Variants in TMEM116 observed in about 807,000 individuals in gnomAD.
TMEM116 encodes the protein transmembrane protein 116.
Under a neutral mutation model 44.3 loss-of-function variants are expected in TMEM116, and 38 were observed. The observed-to-expected ratio is 0.86, with a 90% CI of 0.66 to 1.12. The LOEUF is 1.12. Among genes scored for constraint, TMEM116 ranks in the 50% most tolerant of loss-of-function variants. The pLI is 0.00. For missense variants in TMEM116, 354 were observed against 401.7 expected (o/e 0.88, Z 1.01); for synonymous variants, 132 against 144.8 (o/e 0.91, Z 0.64).
At chr12:111,990,777 A>G (rs2076515698) in intron 4 of TMEM116, among the ~76,000 whole-genome samples, 1 of 152,258 alleles carries the variant, frequency 6.6e-6, no homozygotes, top group African/African-American at 2.4e-5. Flanking sequence ...TACAATCCAT[A>G]TATGATTATC....
At chr12:111,978,902 G>T in intron 4 of TMEM116, 1 of 225,760 alleles carries the variant, frequency 4.4e-6, no homozygotes, top group Non-Finnish European at 9.5e-6. Context: ...TTTGATAAAG[G>T]ATCAAAAGCA....
chr12:111,954,765 T>C (rs1425711287), intron 4 of TMEM116, among the ~76,000 whole-genome samples: 1 of 152,244 alleles, frequency 6.6e-6, no homozygotes, highest in Non-Finnish European at 1.5e-5. Flanking sequence ...AACGGTTCAC[T>C]AAGAAAATAT....
At chr12:111,961,190 C>T (rs1418332250) in intron 4 of TMEM116, among the ~76,000 whole-genome samples, 1 of 152,130 alleles carries the variant, frequency 6.6e-6, no homozygotes, top group East Asian at 1.9e-4. Flanking sequence ...TAATAGCCTA[C>T]CAACCAGAAA....
chr12:111,993,426 T>C, intron 3 of TMEM116: 1 of 558,402 alleles, frequency 1.8e-6, no homozygotes, highest in Non-Finnish European at 3.6e-6. Flanking sequence ...CTTTAAAGTC[T>C]TGTATAGCAA....
intron 4 of TMEM116, among the ~76,000 whole-genome samples, chr12:111,970,214 A>C (rs1230931529): frequency 6.6e-6 from 1 of 151,632 alleles, no homozygotes; most frequent in African/African-American, 2.4e-5. Context: ...GGGAGGCAGA[A>C]GTTGCAGTAA....
intron 1 of TMEM116, among the ~76,000 whole-genome samples, chr12:112,008,120 GCAGTGAGCTGTGT>G (rs1342164008): frequency 8.5e-5 from 13 of 152,168 alleles, no homozygotes; most frequent in Admixed American, 2.0e-4. Flanking sequence ...GGTCCAGGCT[GCAGTGAGCTGTGT>G]TTGCATCACT....
intron 4 of TMEM116, among the ~76,000 whole-genome samples, chr12:111,981,138 A>G (rs537973386): frequency 6.6e-6 from 1 of 152,294 alleles, no homozygotes; most frequent in South Asian, 2.1e-4. Flanking sequence ...TAAGCTGTTT[A>G]AAAAATAAAC....
At chr12:112,008,192 GAAAA>G (rs1293087122) in intron 1 of TMEM116, among the ~76,000 whole-genome samples, 1 of 151,630 alleles carries the variant, frequency 6.6e-6, no homozygotes, top group Non-Finnish European at 1.5e-5. Context: ...GTGTTAAAAA[GAAAA>G]AAAAGGCTGG....
chr12:111,979,501 G>T (rs1322070429), intron 4 of TMEM116, among the ~76,000 whole-genome samples: 1 of 152,132 alleles, frequency 6.6e-6, no homozygotes, highest in African/African-American at 2.4e-5. Flanking sequence ...AATGGGTACA[G>T]GGTTTCCTTT....
chr12:111,952,718 G>A (rs939322730), intron 4 of TMEM116, among the ~76,000 whole-genome samples: 5 of 152,230 alleles, frequency 3.3e-5, no homozygotes, highest in Admixed American at 6.5e-5. Context: ...TCTTTCTCCC[G>A]TACTGGATGC....
intron 4 of TMEM116, among the ~76,000 whole-genome samples, chr12:111,978,975 A>C (rs2075805553): frequency 6.6e-6 from 1 of 152,240 alleles, no homozygotes; most frequent in Non-Finnish European, 1.5e-5. Flanking sequence ...ATCCATATGC[A>C]AAAATAAGAC....
At chr12:111,950,407 A>T (rs1384920886) in intron 4 of TMEM116, among the ~76,000 whole-genome samples, 3 of 151,682 alleles carry the variant, frequency 2.0e-5, no homozygotes, top group Non-Finnish European at 4.4e-5. Context: ...TTGGCAGAAC[A>T]TTGGTGTAAT....
intron 4 of TMEM116, among the ~76,000 whole-genome samples, chr12:111,952,397 T>C (rs550157725): frequency 8.5e-5 from 13 of 152,294 alleles, no homozygotes; most frequent in African/African-American, 2.9e-4. Flanking sequence ...ATGGTGTGGA[T>C]AGATAAATTC....
chr12:111,991,790 T>C lies in TMEM116; in HGVS notation c.178A>G (p.Ile60Val), dbSNP rs2076618810. 1.3e-6 allele frequency: 2 copies of C among 1,535,700 alleles called. No individual in the cohort carries two copies. Among genetic ancestry groups the C allele is most frequent in the Non-Finnish European group, 8.7e-7 (1 of 1,146,534 alleles). Residue 60 changes from isoleucine (I) to valine (V), a missense_variant, in exon 4 of 11, where the codon ATC becomes GTC. By Grantham distance (29) the Ile-to-Val change is conservative. Transcript: ENST00000552374. ...LYGASVANKDIICYNLQAVGQ... is the reference protein window; with the variant it reads ...LYGASVANKDVICYNLQAVGQ... ...ACTGCTTGTAGGTTATAGCAGATGA[T>C]GTCCTTATTTGCTACTGAAGCTCCA... is the stretch of plus-strand genomic sequence containing the variant.
chr12:111,988,568 G>A (rs1199210173), intron 4 of TMEM116, among the ~76,000 whole-genome samples: 1 of 151,776 alleles, frequency 6.6e-6, no homozygotes, highest in Non-Finnish European at 1.5e-5. Flanking sequence ...GCATAGTGGC[G>A]CATGCCTGTA....
At position 111,937,149 on chromosome 12, in the gene TMEM116, T is replaced by C; in HGVS notation, c.449+11A>G. On this transcript the variant is annotated intron_variant, in intron 7 of 10. Coordinates refer to ENST00000552374, the MANE Select transcript of TMEM116 (RefSeq NM_001193531.2). ...TCTGCCATGAAAATTATACATTTAG[T>C]TCTTACTTACTTGTGGCTCTGACTG... 1 of 1,602,798 alleles carries C rather than the reference T, an allele frequency of 6.2e-7. No homozygotes were observed. The highest frequency in any genetic ancestry group is 8.5e-7 in the Non-Finnish European group (1 of 1,169,898).
intron 4 of TMEM116, among the ~76,000 whole-genome samples, chr12:111,948,467 T>C (rs2073452299): frequency 6.6e-6 from 1 of 152,190 alleles, no homozygotes; most frequent in Non-Finnish European, 1.5e-5. Context: ...TGCCAATCAA[T>C]AGTAGGTCCT....
intron 4 of TMEM116, among the ~76,000 whole-genome samples, chr12:111,944,344 C>T (rs1351489178): frequency 6.6e-6 from 1 of 151,910 alleles, no homozygotes; most frequent in Non-Finnish European, 1.5e-5. Flanking sequence ...CATCAAGTAC[C>T]CCAGCTCACC....
chr12:111,931,822 T>TA lies in TMEM116; in HGVS notation c.812dup (p.Thr272AsnfsTer30). 1 of 1,517,070 alleles carries TA rather than the reference T, an allele frequency of 6.6e-7. No homozygotes were observed. Among genetic ancestry groups the TA allele is most frequent in the Non-Finnish European group, 8.8e-7 (1 of 1,136,076 alleles). The allele number at this position is 1,517,070 out of a possible 1,614,324, so 94.0% of individuals were successfully genotyped here. ...TGAGTAGACCCTGAGATGTTGCCGT[T>TA]AGAGCCTGGAGGAGATGAAGGGGTG... is the stretch of plus-strand genomic sequence containing the variant. On this transcript the variant is annotated frameshift_variant, in exon 11 of 11. Transcript: ENST00000552374. LOFTEE classifies it high-confidence loss of function.
Sources: gnomAD v4.1 joint callset for allele counts (sites outside exome capture counted in the v4.1 genomes callset) on GRCh38, gnomAD v4.1.1 for gene constraint, MANE v1.5 for transcripts, NCBI Gene and HGNC (gene_info 2026-07-23, HGNC 2026-07-21) for gene names.